The following UNC13C variants were observed in gnomAD, a reference collection of about 807,000 sequenced individuals.
The protein encoded by UNC13C is unc-13 homolog C.
UNC13C carries 174 observed loss-of-function variants against 245.4 expected under a neutral mutation model. That is an observed-to-expected ratio of 0.71 (90% CI 0.63 to 0.80). UNC13C has a LOEUF of 0.80. Among genes scored for constraint, UNC13C ranks in the 30% least tolerant of loss-of-function variants. The pLI, the probability that UNC13C is intolerant of heterozygous loss-of-function variation, is 0.00. For missense variants in UNC13C, 2,829 were observed against 2,602.9 expected, an observed-to-expected ratio of 1.09 and a Z score of -1.89; for synonymous variants, 992 against 895.1, an observed-to-expected ratio of 1.11 and a Z score of -1.93.
intron 2 of UNC13C, among the ~76,000 whole-genome samples, chr15:54,131,387 G>C (rs2031405610): frequency 6.6e-6 from 1 of 152,154 alleles, no homozygotes; most frequent in South Asian, 2.1e-4. Context: ...CCTTAATACA[G>C]TAGTCTCCCT....
intron 2 of UNC13C, among the ~76,000 whole-genome samples, chr15:54,125,857 C>T (rs2031002633): frequency 2.0e-5 from 3 of 152,210 alleles, no homozygotes; most frequent in South Asian, 4.2e-4. Context: ...GATACTATTG[C>T]TTTATTAGAT....
intron 19 of UNC13C, among the ~76,000 whole-genome samples, chr15:54,446,687 T>G (rs576675277): frequency 2.1e-4 from 32 of 152,352 alleles, no homozygotes; most frequent in Admixed American, 7.2e-4. Flanking sequence ...AAGGAGATTT[T>G]GGGCTGAGAT....
the UNC13C span, among the ~76,000 whole-genome samples, chr15:53,937,027 G>A: frequency 3.3e-5 from 5 of 152,196 alleles, no homozygotes; most frequent in Non-Finnish European, 2.9e-5. Flanking sequence ...CTGGGCTGAG[G>A]CTGAGATGGC....
At chr15:54,184,166 C>T (rs1423514722) in intron 4 of UNC13C, among the ~76,000 whole-genome samples, 2 of 152,064 alleles carry the variant, frequency 1.3e-5, no homozygotes, top group Non-Finnish European at 2.9e-5. Context: ...AGAAACTTAA[C>T]AAGAAAGAAA....
chr15:53,908,744 C>A, the UNC13C span, among the ~76,000 whole-genome samples: 2 of 50,668 alleles, frequency 3.9e-5, no homozygotes, highest in East Asian at 9.3e-4. Context: ...AGAATGAGAA[C>A]CTTTCTCCAA....
intron 17 of UNC13C, among the ~76,000 whole-genome samples, chr15:54,350,319 A>G (rs757675736): frequency 2.9e-4 from 44 of 152,238 alleles, no homozygotes; most frequent in Non-Finnish European, 5.7e-4. Context: ...TAAATACACA[A>G]AACAATAATA....
chr15:53,891,948 C>T, the UNC13C span, among the ~76,000 whole-genome samples: 3 of 152,174 alleles, frequency 2.0e-5, no homozygotes, highest in African/African-American at 7.2e-5. Context: ...GCAGTTTCTT[C>T]GTAGTGTTGA....
At chr15:54,215,020 C>T (rs1227271683) in intron 4 of UNC13C, among the ~76,000 whole-genome samples, 1 of 151,626 alleles carries the variant, frequency 6.6e-6, no homozygotes, top group African/African-American at 2.4e-5. Context: ...TGTTCTGTAG[C>T]ATGTAATAAT....
intron 19 of UNC13C, among the ~76,000 whole-genome samples, chr15:54,418,877 C>T (rs2040577006): frequency 6.6e-6 from 1 of 152,110 alleles, no homozygotes; most frequent in Non-Finnish European, 1.5e-5. Context: ...TTGACCTAAA[C>T]TTGGAAGCAC....
At chr15:54,173,688 T>C (rs893257169) in intron 4 of UNC13C, among the ~76,000 whole-genome samples, 1 of 152,104 alleles carries the variant, frequency 6.6e-6, no homozygotes. Context: ...TTCCAAAGTG[T>C]ATGGGTTTTA....
chr15:54,426,183 A>C (rs924978228), intron 19 of UNC13C, among the ~76,000 whole-genome samples: 1 of 151,466 alleles, frequency 6.6e-6, no homozygotes, highest in African/African-American at 2.4e-5. Flanking sequence ...ATTTAACAGA[A>C]CATATTCATA....
At chr15:53,847,327 G>A in the UNC13C span, among the ~76,000 whole-genome samples, 3 of 151,558 alleles carry the variant, frequency 2.0e-5, no homozygotes, top group African/African-American at 7.3e-5. Flanking sequence ...AGGTTATAGA[G>A]TATGAACTAG....
intron 25 of UNC13C, among the ~76,000 whole-genome samples, chr15:54,527,790 A>G (rs1003956527): frequency 1.3e-5 from 2 of 152,178 alleles, no homozygotes; most frequent in Non-Finnish European, 2.9e-5. Context: ...AGGGTTTATT[A>G]GGACTATTGG....
At chr15:54,500,688 A>G in intron 21 of UNC13C, 147 bp from the exon 22 acceptor site, 1 of 643,514 alleles carries the variant, frequency 1.6e-6, no homozygotes, top group East Asian at 2.8e-5. Flanking sequence ...AAAGGAGATT[A>G]ATGATTTTAA....
At chr15:54,201,171 A>C (rs1449234972) in intron 4 of UNC13C, among the ~76,000 whole-genome samples, 1 of 152,064 alleles carries the variant, frequency 6.6e-6, no homozygotes, top group Admixed American at 6.6e-5. Flanking sequence ...AATGGTAATA[A>C]AAAAGTTGCC....
rs553076973 is a variant in UNC13C, at chr15:54,523,418, A to G, written c.5458-2131A>G. Among the ~76,000 whole-genome samples, 3 of 152,324 alleles carry G rather than the reference A, an allele frequency of 2.0e-5. No homozygotes were observed. In the South Asian group the frequency reaches 6.2e-4, roughly 32 times the overall value. On this transcript the variant is annotated intron_variant, in intron 24 of 32. Coordinates refer to ENST00000260323, the MANE Select transcript of UNC13C (RefSeq NM_001080534.3). Reference sequence around the variant, plus strand: ...TTGTGGGAGGGACTGGTTACATAACAGAGACATTCCGTCTGCACCTGCTTA... The same window carrying G: ...TTGTGGGAGGGACTGGTTACATAACGGAGACATTCCGTCTGCACCTGCTTA...
intron 19 of UNC13C, among the ~76,000 whole-genome samples, chr15:54,477,571 T>G (rs1892830476): frequency 1.8e-5 from 2 of 114,166 alleles, no homozygotes; most frequent in Non-Finnish European, 3.8e-5. Flanking sequence ...GATAATCATG[T>G]GGTTTTTGTC....
intron 7 of UNC13C, among the ~76,000 whole-genome samples, chr15:54,246,893 C>A (rs1261101388): frequency 6.6e-6 from 1 of 152,054 alleles, no homozygotes. Context: ...TGCACATGTA[C>A]CCTTGTACTT....
At chr15:53,839,564 A>G in the UNC13C span, among the ~76,000 whole-genome samples, 1 of 152,044 alleles carries the variant, frequency 6.6e-6, no homozygotes, top group African/African-American at 2.4e-5. Flanking sequence ...ATACCTTTAT[A>G]TTTTAACGTT....
Sources: allele counts gnomAD v4.1 joint callset (sites outside exome capture counted in the v4.1 genomes callset), GRCh38; gene constraint gnomAD v4.1.1; transcripts MANE v1.5; gene names NCBI Gene and HGNC (gene_info 2026-07-23, HGNC 2026-07-21).